Variants in LRCH1 observed in about 807,000 individuals in gnomAD.
The protein encoded by LRCH1 is leucine rich repeats and calponin homology domain containing 1.
In LRCH1, 23 loss-of-function variants were observed where a neutral mutation model predicts 94.9. That is an observed-to-expected ratio of 0.24 (90% CI 0.17 to 0.34). LRCH1 has a LOEUF of 0.34. Ranked by LOEUF, LRCH1 falls within the 10% of genes least tolerant of loss-of-function variation. The pLI is 1.00. For missense variants in LRCH1, 790 were observed against 945.9 expected, an observed-to-expected ratio of 0.84 and a Z score of 2.16; for synonymous variants, 364 against 354.9, an observed-to-expected ratio of 1.03 and a Z score of -0.29.
chr13:46,731,724 C>G (rs1873119107), intron 18 of LRCH1, among the ~76,000 whole-genome samples: 2 of 152,196 alleles, frequency 1.3e-5, no homozygotes, highest in African/African-American at 4.8e-5. Flanking sequence ...GCCGTAGAAC[C>G]TGCTTTCCTT....
At chr13:46,708,059 A>T (rs1052991222) in intron 13 of LRCH1, among the ~76,000 whole-genome samples, 1 of 152,206 alleles carries the variant, frequency 6.6e-6, no homozygotes, top group Non-Finnish European at 1.5e-5. Context: ...GGCAGCACTA[A>T]GTCTTGTCAT....
At position 46,669,045 on chromosome 13, in the gene LRCH1, C is replaced by G; in HGVS notation, c.468C>G (p.Ser156=). 2 of 1,613,536 alleles carry G rather than the reference C, an allele frequency of 1.2e-6. No homozygotes were observed. Among genetic ancestry groups the G allele is most frequent in the South Asian group, 2.2e-5 (2 of 91,034 alleles). Residue 156 remains serine, a synonymous_variant, in exon 3 of 20, where the codon TCC becomes TCG. Coordinates refer to ENST00000389797, the MANE Select transcript of LRCH1 (RefSeq NM_001164211.2). ...GTCTTTGCAGTCGAAATCAGCTGTCCGCCCTGCCTGCCTGCCTGTGTGGTC... is the reference window on the plus strand; with the variant it reads ...GTCTTTGCAGTCGAAATCAGCTGTCGGCCCTGCCTGCCTGCCTGTGTGGTC... ...TYLNLSRNQL[S]ALPACLCGLP...
At chr13:46,655,713 A>C (rs1410259999) in intron 2 of LRCH1, among the ~76,000 whole-genome samples, 1 of 152,254 alleles carries the variant, frequency 6.6e-6, no homozygotes, top group East Asian at 1.9e-4. Flanking sequence ...AAAATAACCC[A>C]GACTAGCAAA....
chr13:46,687,238 C>T (rs1293992938), intron 5 of LRCH1, among the ~76,000 whole-genome samples: 4 of 152,088 alleles, frequency 2.6e-5, no homozygotes, highest in African/African-American at 7.2e-5. Context: ...GTATTACAGG[C>T]GTGAGCCACT....
At chr13:46,677,475 T>G (rs938587512) in intron 3 of LRCH1, among the ~76,000 whole-genome samples, 5 of 152,156 alleles carry the variant, frequency 3.3e-5, no homozygotes, top group African/African-American at 4.8e-5. Flanking sequence ...TTTACCATAT[T>G]GCTTTCTGAA....
intron 1 of LRCH1, among the ~76,000 whole-genome samples, chr13:46,579,367 C>T (rs1207076860): frequency 6.6e-6 from 1 of 152,054 alleles, no homozygotes; most frequent in African/African-American, 2.4e-5. Flanking sequence ...CTCAGAACTC[C>T]ATGGAATAAG....
At chr13:46,698,349 T>A (rs143443046) in intron 9 of LRCH1, among the ~76,000 whole-genome samples, 208 of 152,334 alleles carry the variant, frequency 1.4e-3, no homozygotes, top group African/African-American at 4.9e-3. Context: ...TAAAGCAGCG[T>A]TTCTCTGTGT....
chr13:46,681,854 A>G lies in LRCH1; in HGVS notation c.685+8A>G. The G allele has an allele frequency of 1.9e-6, 3 of 1,552,480 alleles. No homozygotes were observed. The highest frequency in any genetic ancestry group is 2.7e-6 in the Non-Finnish European group (3 of 1,125,466). On this transcript the variant is annotated splice_region_variant and intron_variant, in intron 4 of 19. Coordinates refer to ENST00000389797, the MANE Select transcript of LRCH1 (RefSeq NM_001164211.2). ...TTAAAGTTTTACCACAAGGTAAAAA[A>G]GAAAGAGGGAAAATGAAGAAAATGG...
chr13:46,719,617 G>A (rs966335018), intron 16 of LRCH1, among the ~76,000 whole-genome samples: 3 of 152,328 alleles, frequency 2.0e-5, no homozygotes, highest in South Asian at 2.1e-4. Context: ...GATATTCTAC[G>A]TAAGCATTTC....
intron 1 of LRCH1, among the ~76,000 whole-genome samples, chr13:46,566,123 T>TA (rs546787408): frequency 3.9e-4 from 59 of 152,190 alleles, no homozygotes; most frequent in Middle Eastern, 3.4e-3. Context: ...TCTTCCAAGT[T>TA]AAAAAACAAG....
chr13:46,571,930 GAC>G (rs1566149571), intron 1 of LRCH1, among the ~76,000 whole-genome samples: 1 of 152,112 alleles, frequency 6.6e-6, no homozygotes, highest in Non-Finnish European at 1.5e-5. Context: ...GAGAGAGAGA[GAC>G]AGGCAGGCAG....
chr13:46,696,233 C>T (rs1470197237), intron 9 of LRCH1, among the ~76,000 whole-genome samples: 1 of 146,526 alleles, frequency 6.8e-6, no homozygotes, highest in African/African-American at 2.6e-5. Context: ...CACACACACA[C>T]TCTTTATATT....
chr13:46,633,882 T>TA (rs1168291780), intron 1 of LRCH1, among the ~76,000 whole-genome samples: 1 of 148,528 alleles, frequency 6.7e-6, no homozygotes, highest in East Asian at 1.9e-4. Flanking sequence ...TTCCTGCATT[T>TA]TTTTTTTTTT....
chr13:46,726,206 C>T (rs1430181388), intron 17 of LRCH1, among the ~76,000 whole-genome samples: 1 of 152,090 alleles, frequency 6.6e-6, no homozygotes, highest in Non-Finnish European at 1.5e-5. Context: ...CATACTTTGC[C>T]CTATTCTTCC....
chr13:46,704,339 G>A (rs1566238462), intron 11 of LRCH1, among the ~76,000 whole-genome samples: 1 of 151,842 alleles, frequency 6.6e-6, no homozygotes, highest in Non-Finnish European at 1.5e-5. Context: ...TTAAGCCATT[G>A]ATTGTGGGAT....
At chr13:46,634,366 G>A (rs2051057134) in intron 1 of LRCH1, among the ~76,000 whole-genome samples, 1 of 152,140 alleles carries the variant, frequency 6.6e-6, no homozygotes, top group African/African-American at 2.4e-5. Flanking sequence ...CTTATTTCGG[G>A]CCTTCCTCAT....
intron 3 of LRCH1, among the ~76,000 whole-genome samples, chr13:46,675,500 G>A (rs2051659766): frequency 2.6e-5 from 4 of 152,152 alleles, no homozygotes; most frequent in Non-Finnish European, 4.4e-5. Context: ...CTCAAGTAAC[G>A]ACTTGTTGGA....
At position 46,705,060 on chromosome 13, in the gene LRCH1, C is replaced by T. The variant is rs1266004329; in HGVS notation, c.1401-8C>T. 6 of 1,450,328 alleles carry T rather than the reference C, an allele frequency of 4.1e-6. No homozygotes were observed. Among genetic ancestry groups the T allele is most frequent in the Middle Eastern group, 1.8e-4 (1 of 5,482 alleles). The allele number at this position is 1,450,328 out of a possible 1,614,324, so 89.8% of individuals were successfully genotyped here. On this transcript the variant is annotated splice_region_variant and splice_polypyrimidine_tract_variant and intron_variant, in intron 11 of 19. Coordinates refer to ENST00000389797, the MANE Select transcript of LRCH1 (RefSeq NM_001164211.2). ...CGTTTACTAATATCTTTTTTTCCTA[C>T]TCTTTAGATTAAGCACAGATATTAC...
intron 1 of LRCH1, among the ~76,000 whole-genome samples, chr13:46,629,106 C>T (rs1343812822): frequency 6.6e-6 from 1 of 152,192 alleles, no homozygotes; most frequent in African/African-American, 2.4e-5. Flanking sequence ...TTAATGCCAT[C>T]TTCCTAGCAA....
Sources: allele counts gnomAD v4.1 joint callset (sites outside exome capture counted in the v4.1 genomes callset), GRCh38; gene constraint gnomAD v4.1.1; transcripts MANE v1.5; gene names NCBI Gene and HGNC (gene_info 2026-07-23, HGNC 2026-07-21).